Variants in SPATC1L observed in about 807,000 individuals in gnomAD.
SPATC1L encodes speriolin-like protein.
Under a neutral mutation model 21.2 loss-of-function variants are expected in SPATC1L, and 20 were observed. The observed-to-expected ratio is 0.94, with a 90% CI of 0.66 to 1.37. The LOEUF (loss-of-function observed/expected upper bound fraction) is 1.37. SPATC1L is among the 40% of genes most tolerant of loss of function. The pLI is 0.00. For missense variants in SPATC1L, 499 were observed against 478.7 expected, an observed-to-expected ratio of 1.04 and a Z score of -0.40; for synonymous variants, 290 against 234.5, an observed-to-expected ratio of 1.24 and a Z score of -2.16.
At chr21:46,162,160 A>G in intron 3 of SPATC1L, 93 bp from the exon 4 acceptor site, 5 of 1,325,508 alleles carry the variant, frequency 3.8e-6, no homozygotes, top group Non-Finnish European at 5.1e-6. Flanking sequence ...CGGCTCCTCC[A>G]CCCCCCTCCT....
At position 46,162,045 on chromosome 21, in the gene SPATC1L, G is replaced by A. The variant is rs1568996200; in HGVS notation, c.567C>T (p.Ala189=). 6.3e-6 allele frequency: 10 copies of A among 1,582,974 alleles called. No individual in the cohort carries two copies. Among genetic ancestry groups the A allele is most frequent in the South Asian group, 2.3e-5 (2 of 87,842 alleles). The change falls in exon 4 of 5, where the codon GCC becomes GCT. Residue 189 remains alanine, a synonymous_variant. Transcript: ENST00000291672. Reference sequence around the variant, plus strand: ...CGCCCACCACGCGCGCGTCCTTCTCGGCGCCCGCGAAGCTCTGGATCTCTG... The same window carrying A: ...CGCCCACCACGCGCGCGTCCTTCTCAGCGCCCGCGAAGCTCTGGATCTCTG... ...YLNEIQSFAG[A]EKDARVVGEI...
chr21:46,168,876 G>A (rs1338152957), intron 2 of SPATC1L, among the ~76,000 whole-genome samples: 5 of 152,182 alleles, frequency 3.3e-5, no homozygotes, highest in Non-Finnish European at 5.9e-5. Flanking sequence ...CATCCTGCCC[G>A]TGGGAGCACT....
Position 46,182,873 on chromosome 21 carries a change from C to A in SPATC1L, c.-57G>T. 1 of 1,444,144 alleles carries A rather than the reference C, an allele frequency of 6.9e-7. No individual in the cohort carries two copies. The highest frequency in any genetic ancestry group is 9.1e-7 in the Non-Finnish European group (1 of 1,094,292). 89.5% of individuals were successfully genotyped at this position (1,444,144 alleles called of 1,614,324 possible). On this transcript the variant is annotated 5_prime_UTR_variant, in exon 2 of 5. Coordinates refer to ENST00000291672, the MANE Select transcript of SPATC1L (RefSeq NM_001142854.2). ...TCCTGCAGCCCCATGGAGGTGGGAG[C>A]CCAGAGCCCGCAGGCACCACAGAAA...
At position 46,173,036 on chromosome 21, in the gene SPATC1L, G is replaced by T. The variant is rs13051757; in HGVS notation, c.194-4378C>A. ...GGAGAGCTGCTTAGAGAAGTGATGG[G>T]GGCAGCAGCCAGCTGAAGCAGAACC... On this transcript the variant is annotated intron_variant, in intron 2 of 4. Transcript: ENST00000291672. Among the ~76,000 whole-genome samples, 12 of 152,104 alleles carry T rather than the reference G, an allele frequency of 7.9e-5. 1 individual carries two copies. The South Asian group carries it at 1.2e-3, about 16-fold the overall frequency.
intron 2 of SPATC1L, among the ~76,000 whole-genome samples, chr21:46,180,061 G>C (rs928960098): frequency 6.6e-6 from 1 of 151,564 alleles, no homozygotes; most frequent in East Asian, 1.9e-4. Flanking sequence ...TTTGACCCGA[G>C]GACCCAGGTG....
chr21:46,164,897 G>C (rs867727544), intron 3 of SPATC1L, among the ~76,000 whole-genome samples: 1 of 151,744 alleles, frequency 6.6e-6, no homozygotes, highest in Middle Eastern at 3.4e-3. Context: ...TTCTAGTATA[G>C]GTTCTAGAAA....
chr21:46,183,187 C>A lies in SPATC1L; in HGVS notation c.-371G>T. ...GCCCAGCCAGGGTCGGGTGTCCACC[C>A]TGTGTGGTGTCCTCAAGCTGGGTGG... On this transcript the variant is annotated 5_prime_UTR_variant, in exon 2 of 5. It adds an upstream start codon to the 5' untranslated region. Transcript: ENST00000291672. The A allele has an allele frequency of 3.8e-6, 1 of 263,904 alleles. No homozygotes were observed. The highest frequency in any genetic ancestry group is 5.4e-5 in the Admixed American group (1 of 18,428). 16.3% of individuals were successfully genotyped at this position (263,904 alleles called of 1,614,324 possible).
Position 46,165,833 on chromosome 21 carries a change from A to G in SPATC1L, c.544+2475T>C, listed in dbSNP as rs1340517136. ...GCTTCCAATAAACCTTTATCGAATT[A>G]TTTGTCTCAACAGCCTTAATTTCAG... is the stretch of plus-strand genomic sequence containing the variant. On this transcript the variant is annotated intron_variant, in intron 3 of 4. Coordinates refer to ENST00000291672, the MANE Select transcript of SPATC1L (RefSeq NM_001142854.2). Among the ~76,000 whole-genome samples, 3 of 152,314 alleles carry G rather than the reference A, an allele frequency of 2.0e-5. No individual in the cohort carries two copies. In the East Asian group the frequency reaches 5.8e-4, roughly 29 times the overall value.
At chr21:46,169,361 TGCTCTGTG>T (rs2079566012) in intron 2 of SPATC1L, among the ~76,000 whole-genome samples, 1 of 125,126 alleles carries the variant, frequency 8.0e-6, no homozygotes, top group Non-Finnish European at 1.8e-5. Context: ...AGGAGCCCCC[TGCTCTGTG>T]AGCATCCTCT....
rs957376931 is a variant in SPATC1L at position 46,162,107 on chromosome 21, G to A, written c.545-40C>T. On this transcript the variant is annotated intron_variant, in intron 3 of 4. Transcript: ENST00000291672. Reference sequence around the variant, plus strand: ...GCCGGGGACAAGGTCAGGGGAGCGCGAGGATCCACTGCCCTCGAGGGTGCC... The same window carrying A: ...GCCGGGGACAAGGTCAGGGGAGCGCAAGGATCCACTGCCCTCGAGGGTGCC... 7 of 1,524,290 alleles carry A rather than the reference G, an allele frequency of 4.6e-6. No individual in the cohort carries two copies. The Admixed American group carries it at 9.8e-5, about 21-fold the overall frequency. The allele number at this position is 1,524,290 out of a possible 1,614,324, so 94.4% of individuals were successfully genotyped here.
In SPATC1L at chr21:46,163,114, T is replaced by TTA. The variant is rs569025223; in HGVS notation, c.545-1049_545-1048dup. ...ATCTTTTCACGTGCTTATTGGCCATTTATATACTGTATCTTCTTTGGAGAA... is the reference window on the plus strand; with the variant it reads ...ATCTTTTCACGTGCTTATTGGCCATTTATATATACTGTATCTTCTTTGGAGAA... On this transcript the variant is annotated intron_variant, in intron 3 of 4. Transcript: ENST00000291672. Among the ~76,000 whole-genome samples the TTA allele has an allele frequency of 4.6e-5, 7 of 152,320 alleles. No individual in the cohort carries two copies. The East Asian group carries it at 1.2e-3, about 25-fold the overall frequency.
rs2079556849 is a variant in SPATC1L, at chr21:46,168,453, C to T, written c.399G>A (p.Leu133=). The change falls in exon 3 of 5, where the codon CTG becomes CTA. Residue 133 remains leucine (L), a synonymous_variant. Coordinates refer to ENST00000291672, the MANE Select transcript of SPATC1L (RefSeq NM_001142854.2). ...CTTGCAAGGGGCTCAGGAGCGGGGACAGCTTCCTGTCGGTGCCTCGGTGGC... is the reference window on the plus strand; with the variant it reads ...CTTGCAAGGGGCTCAGGAGCGGGGATAGCTTCCTGTCGGTGCCTCGGTGGC... ...PHSHRGTDRK[L]SPLLSPLQDS... is the part of the protein sequence containing the mutation. 1.2e-6 allele frequency: 2 copies of T among 1,603,082 alleles called. No individual in the cohort carries two copies. Among genetic ancestry groups the T allele is most frequent in the East Asian group, 4.5e-5 (2 of 44,232 alleles).
rs149942349 is a variant in SPATC1L at position 46,161,970 on chromosome 21, G to A, written c.642C>T (p.Gly214=). 1.2e-5 allele frequency: 19 copies of A among 1,607,862 alleles called. 1 individual carries two copies. In the East Asian group the frequency reaches 2.9e-4, roughly 25 times the overall value. Residue 214 remains glycine, a synonymous_variant, in exon 4 of 5, where the codon GGC becomes GGT. Transcript: ENST00000291672. ...DRRILAYVFP[G]VTRLYGFTVA... Reference sequence around the variant, plus strand: ...CCGTGAAGCCGTAGAGCCGCGTCACGCCCGGGAACACGTAGGCCAGGATGC... The same window carrying A: ...CCGTGAAGCCGTAGAGCCGCGTCACACCCGGGAACACGTAGGCCAGGATGC...
intron 2 of SPATC1L, among the ~76,000 whole-genome samples, chr21:46,170,091 T>TC (rs1165359068): frequency 1.3e-5 from 1 of 79,806 alleles, no homozygotes; most frequent in African/African-American, 6.1e-5. Flanking sequence ...GGGAGGAGCC[T>TC]CCTGCTTTGT....
chr21:46,161,311 G>C lies in SPATC1L; in HGVS notation c.*68C>G, dbSNP rs1037263876. 279 of 1,393,002 alleles carry C rather than the reference G, an allele frequency of 2.0e-4. 1 individual carries two copies. Among genetic ancestry groups the C allele is most frequent in the Admixed American group, 4.9e-4 (17 of 34,874 alleles). The allele number at this position is 1,393,002 out of a possible 1,614,324, so 86.3% of individuals were successfully genotyped here. On this transcript the variant is annotated 3_prime_UTR_variant, in exon 5 of 5. Transcript: ENST00000291672. ...CCTTTCCCCTCCGGGGGGACGCGCA[G>C]GAGGCACCGCGGCCCCGGGTTGGAA... is the stretch of plus-strand genomic sequence containing the variant.
At chr21:46,178,399 A>T (rs965329261) in intron 2 of SPATC1L, among the ~76,000 whole-genome samples, 2 of 152,156 alleles carry the variant, frequency 1.3e-5, no homozygotes, top group African/African-American at 4.8e-5. Context: ...ACGTGGACAC[A>T]TAGAGGGGAA....
In SPATC1L at chr21:46,168,555, C is replaced by G. The variant is rs561457465; in HGVS notation, c.297G>C (p.Glu99Asp). The G allele has an allele frequency of 6.7e-7, 1 of 1,498,330 alleles. No individual in the cohort carries two copies. The highest frequency in any genetic ancestry group is 2.5e-5 in the East Asian group (1 of 39,780). 92.8% of individuals were successfully genotyped at this position (1,498,330 alleles called of 1,614,324 possible). The change falls in exon 3 of 5, where the codon GAG becomes GAC. Residue 99 changes from glutamate (E) to aspartate (D), a missense_variant. Glu to Asp is a conservative substitution (Grantham distance 45). Transcript: ENST00000291672. ...LLCSHAPLSS[E>D]DDTSPGCAAP... is the part of the protein sequence containing the mutation. ...CTGCACAGCCCGGGGAGGTGTCGTC[C>G]TCGCTGGACAGGGGGGCATGTGAGC...
chr21:46,170,349 G>A (rs1734738333), intron 2 of SPATC1L, among the ~76,000 whole-genome samples: 2 of 144,988 alleles, frequency 1.4e-5, no homozygotes, highest in African/African-American at 2.7e-5. Flanking sequence ...CATCCTCTGT[G>A]GATGGGGAGG....
At chr21:46,171,428 CAA>C (rs10713326) in intron 2 of SPATC1L, among the ~76,000 whole-genome samples, 2,291 of 139,236 alleles carry the variant, frequency 0.016, 52 homozygotes, top group African/African-American at 0.046. Context: ...GAATCCATCT[CAA>C]AAAAAAAAAA....
Sources: gnomAD v4.1 joint callset for allele counts (sites outside exome capture counted in the v4.1 genomes callset) on GRCh38, gnomAD v4.1.1 for gene constraint, MANE v1.5 for transcripts, NCBI Gene and HGNC (gene_info 2026-07-23, HGNC 2026-07-21) for gene names.